UNC79: variants seen among roughly 807,000 people sequenced by gnomAD.
UNC79 encodes unc-79 subunit of NALCN channel complex.
Under a neutral mutation model 283.1 loss-of-function variants are expected in UNC79, and 37 were observed. The ratio of observed to expected loss-of-function variants is 0.13; its 90% CI spans 0.10 to 0.17. The LOEUF (loss-of-function observed/expected upper bound fraction) is 0.17, where lower values mean the gene tolerates loss of function less well. Among genes scored for constraint, UNC79 ranks in the 10% least tolerant of loss-of-function variants. The pLI is 1.00. For missense variants in UNC79, 2,272 were observed against 3,211.1 expected (o/e 0.71, Z 7.07); for synonymous variants, 1,107 against 1,200.2 (o/e 0.92, Z 1.61).
chr14:93,467,628 C>CTGTTTTT, intron 1 of UNC79, 43 bp from the exon 2 acceptor site: 1 of 761,392 alleles, frequency 1.3e-6, no homozygotes, highest in Non-Finnish European at 1.5e-6. Flanking sequence ...TTTCTTCTTC[C>CTGTTTTT]TTTTTTTTTT....
At chr14:93,516,165 T>C (rs903073456) in intron 7 of UNC79, among the ~76,000 whole-genome samples, 15 of 152,162 alleles carry the variant, frequency 9.9e-5, no homozygotes, top group East Asian at 5.8e-4. Context: ...TGTGTCTATT[T>C]CTAAACTCTC....
intron 32 of UNC79, among the ~76,000 whole-genome samples, chr14:93,640,501 G>T (rs2068924848): frequency 6.6e-6 from 1 of 152,112 alleles, no homozygotes; most frequent in Non-Finnish European, 1.5e-5. Flanking sequence ...TGTGGCGTGT[G>T]CCTGTAGCCC....
chr14:93,641,203 A>G (rs997097951), exon 33 of UNC79: 3 of 1,613,794 alleles, frequency 1.9e-6, no homozygotes, highest in Admixed American at 1.7e-5. Context: ...TTGTGCCTGC[A>G]CCTGAAGAGT....
At chr14:93,694,215 A>G in intron 46 of UNC79, 120 bp from the exon 50 acceptor site, 1 of 772,168 alleles carries the variant, frequency 1.3e-6, no homozygotes, top group Non-Finnish European at 2.1e-6. Context: ...GTGGTCTCCT[A>G]CGGTCATTAC....
At chr14:93,393,405 A>G (rs1239350235) in intron 1 of UNC79, among the ~76,000 whole-genome samples, 1 of 152,212 alleles carries the variant, frequency 6.6e-6, no homozygotes, top group Non-Finnish European at 1.5e-5. Flanking sequence ...TTAATATTTT[A>G]TTGAGACTAA....
intron 1 of UNC79, among the ~76,000 whole-genome samples, chr14:93,358,080 G>A (rs1256305070): frequency 6.6e-6 from 1 of 151,418 alleles, no homozygotes; most frequent in Non-Finnish European, 1.5e-5. Flanking sequence ...TAAGGATGGA[G>A]TTCTTTCACT....
chr14:93,651,917 T>TTATTTA (rs2070319851), intron 35 of UNC79, among the ~76,000 whole-genome samples: 1 of 142,790 alleles, frequency 7.0e-6, no homozygotes, highest in South Asian at 2.3e-4. Flanking sequence ...TTTGTATTTT[T>TTATTTA]TTTTTTTTTT....
intron 1 of UNC79, among the ~76,000 whole-genome samples, chr14:93,364,440 G>A (rs890908401): frequency 6.6e-6 from 1 of 151,362 alleles, no homozygotes; most frequent in Admixed American, 6.6e-5. Context: ...TTTATTGTAG[G>A]TGGAGAGATT....
chr14:93,463,458 GT>G (rs1308661464), intron 1 of UNC79, among the ~76,000 whole-genome samples: 1 of 152,108 alleles, frequency 6.6e-6, no homozygotes, highest in East Asian at 1.9e-4. Flanking sequence ...CAGGAGAGAG[GT>G]TTTTTCTTTC....
chr14:93,691,949 G>C lies in UNC79; in HGVS notation c.7470+3G>C. 6.2e-7 allele frequency: 1 copy of C among 1,613,946 alleles called. No homozygotes were observed. Among genetic ancestry groups the C allele is most frequent in the Non-Finnish European group, 8.5e-7 (1 of 1,179,838 alleles). On this transcript the variant is annotated splice_donor_region_variant and intron_variant, in intron 46 of 48. Coordinates refer to ENST00000555664, the Ensembl canonical transcript of UNC79. ...AGCTAATGGCCCATAACAAAGTGGT[G>C]AGTTCACAGACGAGTTTCCCTTCTG...
Position 93,578,374 on chromosome 14 carries a change from C to T in UNC79, c.2433+311C>T, listed in dbSNP as rs983762323. On this transcript the variant is annotated intron_variant, in intron 18 of 48. Coordinates refer to ENST00000555664, the Ensembl canonical transcript of UNC79. ...TATTGTTGGGAAGGGCAAGGTACAA[C>T]TCTATAGTGATGAAGCTAATTTTAA... Among the ~76,000 whole-genome samples the T allele has an allele frequency of 2.0e-5, 3 of 152,158 alleles. No homozygotes were observed. In the East Asian group the frequency reaches 5.8e-4, roughly 29 times the overall value.
chr14:93,632,796 A>AT (rs556091101), intron 31 of UNC79, among the ~76,000 whole-genome samples: 85 of 152,270 alleles, frequency 5.6e-4, no homozygotes, highest in Admixed American at 1.3e-3. Context: ...CATAAAATGA[A>AT]TTTACAAATT....
chr14:93,417,993 T>G (rs1684024027), intron 1 of UNC79, among the ~76,000 whole-genome samples: 1 of 151,900 alleles, frequency 6.6e-6, no homozygotes, highest in Admixed American at 6.6e-5. Flanking sequence ...TGGAGTAGTT[T>G]GATCGTCTGA....
intron 35 of UNC79, among the ~76,000 whole-genome samples, chr14:93,652,813 G>A (rs543979711): frequency 6.6e-6 from 1 of 151,914 alleles, no homozygotes; most frequent in Non-Finnish European, 1.5e-5. Context: ...TTTCTTTTCT[G>A]TTTCCTTCTT....
At chr14:93,592,464 G>A (rs144743575) in intron 22 of UNC79, among the ~76,000 whole-genome samples, 2,335 of 152,256 alleles carry the variant, frequency 0.015, 25 homozygotes, top group Non-Finnish European at 0.024. Flanking sequence ...GTGAGCCACT[G>A]CGCCTGGCCG....
chr14:93,564,554 C>A (rs1037570630), intron 14 of UNC79, among the ~76,000 whole-genome samples: 1 of 152,220 alleles, frequency 6.6e-6, no homozygotes, highest in Non-Finnish European at 1.5e-5. Context: ...GTCCCCCAAT[C>A]TGAGTCACGG....
At chr14:93,401,041 A>G (rs2055098017) in intron 1 of UNC79, among the ~76,000 whole-genome samples, 1 of 152,200 alleles carries the variant, frequency 6.6e-6, no homozygotes, top group Non-Finnish European at 1.5e-5. Context: ...ATAGGAAAAT[A>G]GTGCATGGTT....
At chr14:93,359,312 C>A (rs2054171577) in intron 1 of UNC79, among the ~76,000 whole-genome samples, 1 of 152,144 alleles carries the variant, frequency 6.6e-6, no homozygotes, top group Non-Finnish European at 1.5e-5. Flanking sequence ...ACCTACTCAT[C>A]CCAGCTGGGA....
At chr14:93,704,759 A>C in intron 48 of UNC79, 93 bp downstream of exon 51, 1 of 1,458,308 alleles carries the variant, frequency 6.9e-7, no homozygotes, top group Non-Finnish European at 9.6e-7. Flanking sequence ...TACTATGGAG[A>C]AGGATGAATT....
Sources: allele counts gnomAD v4.1 joint callset (sites outside exome capture counted in the v4.1 genomes callset), GRCh38; gene constraint gnomAD v4.1.1; transcripts MANE v1.5; gene names NCBI Gene and HGNC (gene_info 2026-07-23, HGNC 2026-07-21).